The following TTC19 variants were observed in gnomAD, a reference collection of about 807,000 sequenced individuals.
TTC19 encodes tetratricopeptide repeat domain 19.
TTC19 carries 38 observed loss-of-function variants against 49.5 expected under a neutral mutation model. That is an observed-to-expected ratio of 0.77 (90% confidence interval 0.59 to 1.01). The LOEUF (loss-of-function observed/expected upper bound fraction) is 1.01, where lower values mean the gene tolerates loss of function less well. Ranked by LOEUF, TTC19 falls within the 50% of genes least tolerant of loss-of-function variation. The pLI is 0.00. For missense variants in TTC19, 475 were observed against 477.7 expected (o/e 0.99, Z 0.05); for synonymous variants, 204 against 185.2 (o/e 1.10, Z -0.83).
chr17:16,026,792 A>G (rs965540904), intron 9 of TTC19, 90 bp downstream of exon 9: 1 of 1,329,852 alleles, frequency 7.5e-7, no homozygotes, highest in Non-Finnish European at 1.1e-6. Flanking sequence ...AGGGAGGGCA[A>G]GGGCCAACGA....
At chr17:16,040,859 C>A in intron 2 of TTC19, 1 of 207,244 alleles carries the variant, frequency 4.8e-6, no homozygotes, top group South Asian at 8.5e-5. Flanking sequence ...GTGAGACTCT[C>A]CCATCTGTTT....
chr17:16,037,640 C>T (rs2056691213), intron 2 of TTC19, among the ~76,000 whole-genome samples: 1 of 152,074 alleles, frequency 6.6e-6, no homozygotes, highest in Non-Finnish European at 1.5e-5. Context: ...AATGACCAAC[C>T]CCCCTTTCCC....
intron 2 of TTC19, chr17:16,040,170 GT>G: frequency 1.8e-6 from 1 of 567,964 alleles, no homozygotes; most frequent in South Asian, 1.5e-5. Flanking sequence ...TTCTATTAAA[GT>G]TACTCAACAA....
At chr17:16,044,185 A>AAAAAG (rs1555549290) in intron 2 of TTC19, among the ~76,000 whole-genome samples, 5 of 151,364 alleles carry the variant, frequency 3.3e-5, no homozygotes, top group Non-Finnish European at 7.4e-5. Context: ...AAAAAAAAAA[A>AAAAAG]AAAGAAAGAA....
At chr17:16,018,952 C>T (rs570988432) in intron 7 of TTC19, among the ~76,000 whole-genome samples, 1 of 152,040 alleles carries the variant, frequency 6.6e-6, no homozygotes, top group East Asian at 1.9e-4. Flanking sequence ...TATTTAAATC[C>T]CTGTATACCC....
downstream of TTC19, chr17:16,032,198 A>C (rs1972138822): frequency 1.6e-6 from 2 of 1,220,634 alleles, no homozygotes; most frequent in Non-Finnish European, 2.2e-6. Context: ...CTCAGGGAAT[A>C]AGTCACAGGA....
chr17:16,009,784 T>C (rs1031597817), intron 7 of TTC19, among the ~76,000 whole-genome samples: 4 of 152,300 alleles, frequency 2.6e-5, no homozygotes, highest in African/African-American at 9.6e-5. Context: ...TGCTCTAGGA[T>C]AATTATTTTG....
intron 7 of TTC19, among the ~76,000 whole-genome samples, chr17:16,022,013 G>C (rs1485646589): frequency 6.6e-6 from 1 of 152,098 alleles, no homozygotes; most frequent in African/African-American, 2.4e-5. Context: ...TTGTCTCCCT[G>C]TGCCTGTGGT....
At chr17:16,006,354 G>A in intron 6 of TTC19, 120 bp from the exon 7 acceptor site, 2 of 762,498 alleles carry the variant, frequency 2.6e-6, no homozygotes, top group Non-Finnish European at 4.7e-6. Context: ...AGGTTGCTCT[G>A]AGCCGAGGTC....
chr17:16,032,493 G>T (rs746697763), downstream of TTC19: 2 of 1,558,218 alleles, frequency 1.3e-6, no homozygotes, highest in Admixed American at 2.1e-5. Flanking sequence ...CCTGACAAAA[G>T]AAAAATTAGG....
chr17:16,000,572 C>T, intron 2 of TTC19: 1 of 437,470 alleles, frequency 2.3e-6, no homozygotes, highest in Non-Finnish European at 3.5e-6. Flanking sequence ...GACATAATTT[C>T]GCACGTATAT....
At chr17:16,015,320 GCTAAAAACATAAA>G in intron 7 of TTC19, among the ~76,000 whole-genome samples, 1 of 151,874 alleles carries the variant, frequency 6.6e-6, no homozygotes, top group East Asian at 1.9e-4. Context: ...ATAGGACAGT[GCTAAAAACATAAA>G]CATTAATAAA....
At chr17:16,000,341 A>T (rs1248339777) in intron 2 of TTC19, 96 bp downstream of exon 2, 1 of 1,546,420 alleles carries the variant, frequency 6.5e-7, no homozygotes, top group Non-Finnish European at 8.7e-7. Flanking sequence ...GCCTCGCCGA[A>T]GAGTGGATGG....
chr17:16,036,434 A>G (rs1471326418), intron 2 of TTC19, among the ~76,000 whole-genome samples: 1 of 152,196 alleles, frequency 6.6e-6, no homozygotes, highest in African/African-American at 2.4e-5. Context: ...CTTCAACTTA[A>G]AAGTCACCAC....
At position 16,028,670 on chromosome 17, in the gene TTC19, T is replaced by C. The variant is rs1276261731; in HGVS notation, c.*1148T>C. 2.2e-6 allele frequency: 1 copy of C among 453,742 alleles called. No homozygotes were observed. The highest frequency in any genetic ancestry group is 2.0e-5 in the African/African-American group (1 of 49,938). 28.1% of individuals were successfully genotyped at this position (453,742 alleles called of 1,614,324 possible). On this transcript the variant is annotated 3_prime_UTR_variant, in exon 10 of 10. Transcript: ENST00000261647. ...TTTTCTAGGTACCATGAAGGAAGAT[T>C]GACCCTGTTGGTATGCCTGTGGGGG...
At chr17:16,036,928 C>G (rs930222776) in intron 2 of TTC19, among the ~76,000 whole-genome samples, 1 of 152,190 alleles carries the variant, frequency 6.6e-6, no homozygotes, top group African/African-American at 2.4e-5. Flanking sequence ...ATTTGGCTAA[C>G]TGTTTGGCAC....
intron 2 of TTC19, among the ~76,000 whole-genome samples, chr17:16,038,888 A>T (rs1203739955): frequency 6.6e-6 from 1 of 152,152 alleles, no homozygotes; most frequent in Non-Finnish European, 1.5e-5. Context: ...CTCCTGCCTC[A>T]GCCTCCTGAG....
chr17:16,018,138 A>AT (rs1486072965), intron 7 of TTC19, among the ~76,000 whole-genome samples: 1 of 152,168 alleles, frequency 6.6e-6, no homozygotes, highest in Non-Finnish European at 1.5e-5. Flanking sequence ...TAAAGCCTGC[A>AT]TATTTGCCTT....
At chr17:16,039,093 C>A (rs1386871855) in intron 2 of TTC19, 2 of 214,012 alleles carry the variant, frequency 9.3e-6, no homozygotes, top group Non-Finnish European at 1.9e-5. Flanking sequence ...TTCTACTGAG[C>A]CTAATTTTTA....
Sources: allele counts gnomAD v4.1 joint callset (sites outside exome capture counted in the v4.1 genomes callset), GRCh38; gene constraint gnomAD v4.1.1; transcripts MANE v1.5; gene names NCBI Gene and HGNC (gene_info 2026-07-23, HGNC 2026-07-21).